WWP2: variants seen among roughly 807,000 people sequenced by gnomAD.
WWP2 encodes the protein WW domain containing E3 ubiquitin protein ligase 2, also known as NEDD4-like E3 ubiquitin-protein ligase WWP2.
In WWP2, 57 loss-of-function variants were observed where a neutral mutation model predicts 121.0. That is an observed-to-expected ratio of 0.47 (90% CI 0.38 to 0.59). The LOEUF is 0.59. Ranked by LOEUF, WWP2 falls within the 20% of genes least tolerant of loss-of-function variation. WWP2 has a pLI of 0.00. For missense variants in WWP2, 962 were observed against 1,158.9 expected (o/e 0.83, Z 2.47); for synonymous variants, 449 against 441.3 (o/e 1.02, Z -0.22).
At chr16:69,922,989 A>G (rs1273082090) in intron 10 of WWP2, among the ~76,000 whole-genome samples, 2 of 151,838 alleles carry the variant, frequency 1.3e-5, no homozygotes, top group Non-Finnish European at 2.9e-5. Flanking sequence ...TCCTGGGTTT[A>G]AGCGATTATC....
chr16:69,936,420 G>C lies in WWP2; in HGVS notation c.2085G>C (p.Arg695=), dbSNP rs1240150695. 1 of 1,614,104 alleles carries C rather than the reference G, an allele frequency of 6.2e-7. No individual in the cohort carries two copies. Among genetic ancestry groups the C allele is most frequent in the African/African-American group, 1.3e-5 (1 of 75,018 alleles). Residue 695 remains arginine, a synonymous_variant, in exon 19 of 24, where the codon CGG becomes CGC. Coordinates refer to ENST00000359154, the MANE Select transcript of WWP2 (RefSeq NM_001270454.2). ...TGAAGGAGGGCGGCGAGAGCATCCG[G>C]GTCACAGAGGAGAACAAGGAAGAGT... The part of the protein sequence containing the change: ...HELKEGGESI[R]VTEENKEEYI...
intron 4 of WWP2, among the ~76,000 whole-genome samples, chr16:69,815,717 G>A (rs1347336850): frequency 6.6e-6 from 1 of 151,122 alleles, no homozygotes; most frequent in Non-Finnish European, 1.5e-5. Context: ...AACCTGAGAG[G>A]CGGAGGTTGC....
intron 18 of WWP2, 116 bp from the exon 19 acceptor site, chr16:69,936,196 C>T: frequency 6.6e-7 from 1 of 1,509,856 alleles, no homozygotes; most frequent in South Asian, 1.3e-5. Context: ...TCCCCTGTCA[C>T]TGTTCAGGAT....
intron 7 of WWP2, among the ~76,000 whole-genome samples, chr16:69,887,133 G>A (rs959009264): frequency 3.9e-5 from 6 of 152,300 alleles, no homozygotes; most frequent in African/African-American, 1.2e-4. Context: ...AAGAGATGGT[G>A]AAATAGGGAG....
intron 9 of WWP2, chr16:69,910,513 G>A (rs1046655247): frequency 1.1e-5 from 3 of 280,830 alleles, no homozygotes; most frequent in African/African-American, 4.6e-5. Context: ...GGGTTCAAGC[G>A]ATTCTCCTGT....
chr16:69,767,289 A>C (rs1452390175), intron 1 of WWP2, among the ~76,000 whole-genome samples: 1 of 152,192 alleles, frequency 6.6e-6, no homozygotes, highest in Non-Finnish European at 1.5e-5. Flanking sequence ...TTTGTCAGGC[A>C]TCCCACCATT....
chr16:69,771,540 C>CT (rs2055416122), intron 1 of WWP2, among the ~76,000 whole-genome samples: 1 of 152,176 alleles, frequency 6.6e-6, no homozygotes, highest in African/African-American at 2.4e-5. Flanking sequence ...AGGCACAGAG[C>CT]CTGAAGGACT....
rs749921377 is a variant in WWP2 at position 69,798,801 on chromosome 16, G to T, written c.190G>T (p.Glu64Ter). Residue 64 changes from glutamate (E) to a stop codon, truncating the protein, a stop_gained, in exon 3 of 24, where the codon GAG becomes TAG. Coordinates refer to ENST00000359154, the MANE Select transcript of WWP2 (RefSeq NM_001270454.2). LOFTEE classifies it high-confidence loss of function. ...KKTGKRIGSS[E>*]LLWNEIIILN... ...GACTGGGAAGCGCATTGGGAGCTCT[G>T]AGCTTCTCTGGAATGAGATCATCAT... The T allele has an allele frequency of 6.2e-7, 1 of 1,614,026 alleles. No individual in the cohort carries two copies. Among genetic ancestry groups the T allele is most frequent in the South Asian group, 1.1e-5 (1 of 91,066 alleles).
intron 2 of WWP2, among the ~76,000 whole-genome samples, chr16:69,792,324 A>G (rs2151802331): frequency 6.6e-6 from 1 of 152,326 alleles, no homozygotes; most frequent in African/African-American, 2.4e-5. Context: ...ACTTATTGAG[A>G]GAGCAGATGC....
intron 4 of WWP2, among the ~76,000 whole-genome samples, chr16:69,821,259 C>G (rs886482350): frequency 6.6e-6 from 1 of 152,240 alleles, no homozygotes; most frequent in African/African-American, 2.4e-5. Context: ...TCCCTCAGCC[C>G]CACACCCTCA....
intron 11 of WWP2, among the ~76,000 whole-genome samples, chr16:69,928,813 A>T (rs2058672862): frequency 6.6e-6 from 1 of 152,174 alleles, no homozygotes; most frequent in Admixed American, 6.6e-5. Flanking sequence ...TCAGCCCCAG[A>T]TATCATTTAT....
At chr16:69,933,538 G>C (rs879678727) in intron 16 of WWP2, among the ~76,000 whole-genome samples, 8 of 152,142 alleles carry the variant, frequency 5.3e-5, no homozygotes, top group Non-Finnish European at 1.0e-4. Context: ...GTGGAAACAG[G>C]GTAGTTACTA....
intron 9 of WWP2, among the ~76,000 whole-genome samples, chr16:69,917,174 T>A (rs1466587997): frequency 1.3e-5 from 2 of 152,256 alleles, no homozygotes; most frequent in African/African-American, 4.8e-5. Context: ...CTGAAAATTC[T>A]AGATATCAAT....
At chr16:69,936,929 C>G in intron 19 of WWP2, 189 bp from the exon 20 acceptor site, 1 of 685,174 alleles carries the variant, frequency 1.5e-6, no homozygotes, top group Non-Finnish European at 2.3e-6. Context: ...TTCAAAGACT[C>G]CGGTGTCTGC....
intron 4 of WWP2, among the ~76,000 whole-genome samples, chr16:69,816,484 T>C (rs541710419): frequency 6.7e-6 from 1 of 148,318 alleles, no homozygotes; most frequent in Non-Finnish European, 1.5e-5. Flanking sequence ...ACTTTATATA[T>C]GTAATATATA....
intron 16 of WWP2, among the ~76,000 whole-genome samples, 169 bp downstream of exon 16, chr16:69,932,059 G>A (rs778439731): frequency 3.9e-5 from 6 of 152,276 alleles, no homozygotes; most frequent in Non-Finnish European, 7.3e-5. Flanking sequence ...GCCAGGCGCG[G>A]TGGCTCACGC....
chr16:69,850,541 G>T (rs2057188583), intron 6 of WWP2, among the ~76,000 whole-genome samples: 1 of 152,140 alleles, frequency 6.6e-6, no homozygotes, highest in Non-Finnish European at 1.5e-5. Flanking sequence ...ACATTACCTA[G>T]ATATGCCTGG....
At position 69,840,271 on chromosome 16, in the gene WWP2, C is replaced by T; in HGVS notation, c.478+8C>T. 2 of 1,613,818 alleles carry T rather than the reference C, an allele frequency of 1.2e-6. No homozygotes were observed. The highest frequency in any genetic ancestry group is 1.1e-5 in the South Asian group (1 of 91,068). On this transcript the variant is annotated splice_region_variant and intron_variant, in intron 5 of 23. Coordinates refer to ENST00000359154, the MANE Select transcript of WWP2 (RefSeq NM_001270454.2). ...GCAGTGCCCTGACAGATGGTGAGTG[C>T]CGCCCTGCTCCTCAGGACTGTGCCG... is the stretch of plus-strand genomic sequence containing the variant.
At chr16:69,902,108 A>G (rs1311235938) in intron 8 of WWP2, among the ~76,000 whole-genome samples, 2 of 152,238 alleles carry the variant, frequency 1.3e-5, no homozygotes, top group Non-Finnish European at 2.9e-5. Flanking sequence ...GAATGGTTGA[A>G]CACACACTGT....
Sources: allele counts gnomAD v4.1 joint callset (sites outside exome capture counted in the v4.1 genomes callset), GRCh38; gene constraint gnomAD v4.1.1; transcripts MANE v1.5; gene names NCBI Gene and HGNC (gene_info 2026-07-23, HGNC 2026-07-21).